Variants in RAP1GDS1 observed in about 807,000 individuals in gnomAD.
RAP1GDS1 encodes RAP1, GTP-GDP dissociation stimulator 1.
A neutral mutation model predicts 71.1 loss-of-function variants in RAP1GDS1; 35 were observed. The observed-to-expected ratio is 0.49, with a 90% CI of 0.38 to 0.65. The LOEUF (loss-of-function observed/expected upper bound fraction) is 0.65, where lower values mean the gene tolerates loss of function less well. Among genes scored for constraint, RAP1GDS1 ranks in the 30% least tolerant of loss-of-function variants. The pLI is 0.00. For synonymous variants in RAP1GDS1, 229 were observed against 243.1 expected (o/e 0.94, Z 0.54); for missense variants, 663 against 706.1 (o/e 0.94, Z 0.69).
intron 5 of RAP1GDS1, among the ~76,000 whole-genome samples, chr4:98,390,119 A>G (rs1341736241): frequency 1.3e-5 from 2 of 152,148 alleles, no homozygotes; most frequent in Non-Finnish European, 2.9e-5. Context: ...TTCAGAGGTG[A>G]CCCTCTAGTA....
chr4:98,293,641 C>T, intron 2 of RAP1GDS1, 126 bp downstream of exon 2: 2 of 702,214 alleles, frequency 2.8e-6, no homozygotes, highest in East Asian at 2.8e-5. Context: ...GAATCATATC[C>T]CTGAATACTG....
At chr4:98,408,046 C>T (rs1746406254) in intron 7 of RAP1GDS1, among the ~76,000 whole-genome samples, 1 of 151,386 alleles carries the variant, frequency 6.6e-6, no homozygotes, top group Non-Finnish European at 1.5e-5. Flanking sequence ...GCAGGTCTTA[C>T]AGCTATTAAG....
At chr4:98,428,799 A>C (rs960191539) in intron 12 of RAP1GDS1, among the ~76,000 whole-genome samples, 1 of 152,210 alleles carries the variant, frequency 6.6e-6, no homozygotes, top group African/African-American at 2.4e-5. Context: ...TTGAAGAACT[A>C]AAAGTAGATT....
chr4:98,351,194 G>T (rs993428912), intron 3 of RAP1GDS1, among the ~76,000 whole-genome samples: 1 of 152,184 alleles, frequency 6.6e-6, no homozygotes, highest in Non-Finnish European at 1.5e-5. Flanking sequence ...TAACGTCAAT[G>T]ATAAGCTCAA....
chr4:98,321,606 G>A (rs1170435841), intron 2 of RAP1GDS1, among the ~76,000 whole-genome samples: 2 of 151,768 alleles, frequency 1.3e-5, no homozygotes, highest in Non-Finnish European at 2.9e-5. Context: ...AAGAGTGGGG[G>A]CCAATATTCA....
chr4:98,420,674 T>C (rs1205977265), intron 11 of RAP1GDS1, among the ~76,000 whole-genome samples: 1 of 152,214 alleles, frequency 6.6e-6, no homozygotes, highest in African/African-American at 2.4e-5. Context: ...TAATTGACTT[T>C]AAATAGAAAT....
chr4:98,276,836 A>G (rs528282174), intron 1 of RAP1GDS1, among the ~76,000 whole-genome samples: 89 of 152,338 alleles, frequency 5.8e-4, no homozygotes, highest in Admixed American at 1.4e-3. Context: ...AAAAGAAGTC[A>G]GAAACCAGAT....
Position 98,317,828 on chromosome 4 carries a change from T to C in RAP1GDS1, c.112+24313T>C, listed in dbSNP as rs36058719. Among the ~76,000 whole-genome samples the C allele has an allele frequency of 1.8e-3, 265 of 147,942 alleles. 3 individuals carry two copies. The highest frequency in any genetic ancestry group is 0.011 in the Middle Eastern group (3 of 282). On this transcript the variant is annotated intron_variant, in intron 2 of 14. Coordinates refer to ENST00000408927, the MANE Select transcript of RAP1GDS1 (RefSeq NM_001100427.2). ...GATATTTGACTATATATATATATAT[T>C]TTTTTTTCTTTTCTTCTCTTTTTTT... is the stretch of plus-strand genomic sequence containing the variant.
In RAP1GDS1 at chr4:98,289,492, T is replaced by C. The variant is rs1726572487; in HGVS notation, c.5-3916T>C. Among the ~76,000 whole-genome samples the C allele has an allele frequency of 2.9e-5, 4 of 139,562 alleles. No individual in the cohort carries two copies. The Admixed American group carries it at 3.1e-4, about 11-fold the overall frequency. 91.6% of individuals were successfully genotyped at this position (139,562 alleles called of 152,430 possible). On this transcript the variant is annotated intron_variant, in intron 1 of 14. Coordinates refer to ENST00000408927, the MANE Select transcript of RAP1GDS1 (RefSeq NM_001100427.2). ...CACATGATGTTGTGTGAGAAAGTAATGGGAGATGGCATAATGTGAGTTGTA... is the reference window on the plus strand; with the variant it reads ...CACATGATGTTGTGTGAGAAAGTAACGGGAGATGGCATAATGTGAGTTGTA...
rs58579740 is a variant in RAP1GDS1 at position 98,270,278 on chromosome 4, C to A, written c.4+8709C>A. 3.8e-3 allele frequency among the ~76,000 whole-genome samples: 580 copies of A among 152,242 alleles called. 6 individuals carry two copies. Among genetic ancestry groups the A allele is most frequent in the African/African-American group, 0.013 (554 of 41,554 alleles). Reference sequence around the variant, plus strand: ...GAGTTTTGGAGGGGACAAAAACATTCAAACCATATAGTTATAAAGACTATT... The same window carrying A: ...GAGTTTTGGAGGGGACAAAAACATTAAAACCATATAGTTATAAAGACTATT... On this transcript the variant is annotated intron_variant, in intron 1 of 14. Coordinates refer to ENST00000408927, the MANE Select transcript of RAP1GDS1 (RefSeq NM_001100427.2).
intron 1 of RAP1GDS1, among the ~76,000 whole-genome samples, chr4:98,263,752 C>T (rs74510608): frequency 0.022 from 3,325 of 152,196 alleles, 125 homozygotes; most frequent in African/African-American, 0.073. Flanking sequence ...ACTTTTGAAC[C>T]TGAAGATATA....
chr4:98,430,801 C>G (rs1054927274), intron 12 of RAP1GDS1, among the ~76,000 whole-genome samples: 7 of 152,204 alleles, frequency 4.6e-5, no homozygotes, highest in African/African-American at 1.7e-4. Flanking sequence ...AATCACAGCT[C>G]TCTCCTTGTG....
In RAP1GDS1 at chr4:98,427,444, A is replaced by G. The variant is rs567110404; in HGVS notation, c.1440+6050A>G. On this transcript the variant is annotated intron_variant, in intron 12 of 14. Coordinates refer to ENST00000408927, the MANE Select transcript of RAP1GDS1 (RefSeq NM_001100427.2). ...TAAACTGTTGCTATTTGCTGATGAT[A>G]TGACTGTATACCTAGAAAACCCTAA... 2.5e-4 allele frequency among the ~76,000 whole-genome samples: 38 copies of G among 152,256 alleles called. 1 individual carries two copies. The highest frequency in any genetic ancestry group is 2.5e-3 in the Admixed American group (38 of 15,306).
chr4:98,436,906 C>G, intron 13 of RAP1GDS1, 34 bp from the exon 14 acceptor site: 1 of 1,547,054 alleles, frequency 6.5e-7, no homozygotes, highest in South Asian at 1.3e-5. Flanking sequence ...ATACTGGGTT[C>G]GTACGCAGTA....
chr4:98,421,462 G>A, intron 12 of RAP1GDS1, 68 bp downstream of exon 12: 7 of 1,403,792 alleles, frequency 5.0e-6, no homozygotes, highest in Non-Finnish European at 6.6e-6. Flanking sequence ...CAGCATTGTA[G>A]GTCCTAACAA....
chr4:98,432,329 G>T (rs1335953466), intron 12 of RAP1GDS1, among the ~76,000 whole-genome samples: 1 of 152,112 alleles, frequency 6.6e-6, no homozygotes, highest in East Asian at 1.9e-4. Context: ...TTCCCTAAAT[G>T]ATTGCATATG....
chr4:98,297,172 T>G (rs1057163467), intron 2 of RAP1GDS1, among the ~76,000 whole-genome samples: 1 of 152,188 alleles, frequency 6.6e-6, no homozygotes, highest in African/African-American at 2.4e-5. Flanking sequence ...AATGTCTAGT[T>G]CCACATCTCT....
intron 7 of RAP1GDS1, among the ~76,000 whole-genome samples, chr4:98,404,935 G>T (rs200966819): frequency 3.9e-5 from 6 of 152,132 alleles, no homozygotes; most frequent in African/African-American, 9.7e-5. Flanking sequence ...GGAGTCTCAG[G>T]CCTGCCAACA....
chr4:98,336,629 T>TG (rs1031347693), intron 2 of RAP1GDS1, among the ~76,000 whole-genome samples: 5 of 152,136 alleles, frequency 3.3e-5, no homozygotes, highest in African/African-American at 1.2e-4. Flanking sequence ...TTTAAACTCT[T>TG]GCATTTCATG....
Sources: allele counts gnomAD v4.1 joint callset (sites outside exome capture counted in the v4.1 genomes callset), GRCh38; gene constraint gnomAD v4.1.1; transcripts MANE v1.5; gene names NCBI Gene and HGNC (gene_info 2026-07-23, HGNC 2026-07-21).